The following SLC30A8 variants were observed in gnomAD, a reference collection of about 807,000 sequenced individuals.
SLC30A8 encodes the protein solute carrier family 30 member 8.
Under a neutral mutation model 36.9 loss-of-function variants are expected in SLC30A8, and 27 were observed. The ratio of observed to expected loss-of-function variants is 0.73; its 90% CI spans 0.54 to 1.01. The LOEUF (loss-of-function observed/expected upper bound fraction) is 1.01. Among genes scored for constraint, SLC30A8 ranks in the 50% least tolerant of loss-of-function variants. The pLI, the probability that SLC30A8 is intolerant of heterozygous loss-of-function variation, is 0.00. For missense variants in SLC30A8, 439 were observed against 452.0 expected (o/e 0.97, Z 0.26); for synonymous variants, 164 against 172.4 (o/e 0.95, Z 0.38).
intron 1 of SLC30A8, among the ~76,000 whole-genome samples, chr8:116,994,311 C>G (rs1815743723): frequency 6.6e-6 from 1 of 152,046 alleles, no homozygotes; most frequent in African/African-American, 2.4e-5. Flanking sequence ...CAGATCTAGA[C>G]TCAACAGAAG....
chr8:117,060,317 C>T (rs887706030), intron 2 of SLC30A8, among the ~76,000 whole-genome samples: 1 of 152,010 alleles, frequency 6.6e-6, no homozygotes, highest in African/African-American at 2.4e-5. Flanking sequence ...GTGGGAGCAT[C>T]TATATAGCCA....
chr8:117,156,847 ATATAT>A (rs777761553), intron 3 of SLC30A8, among the ~76,000 whole-genome samples: 12 of 152,350 alleles, frequency 7.9e-5, no homozygotes, highest in Non-Finnish European at 1.6e-4. Context: ...ATGGGTAATA[ATATAT>A]TACATTACTC....
intron 2 of SLC30A8, among the ~76,000 whole-genome samples, chr8:117,081,852 C>G (rs1818686903): frequency 6.6e-6 from 1 of 152,198 alleles, no homozygotes; most frequent in Admixed American, 6.5e-5. Context: ...ATCAAATAGG[C>G]AATAATTGCC....
At chr8:117,098,914 C>A (rs1819588837) in intron 2 of SLC30A8, among the ~76,000 whole-genome samples, 1 of 151,998 alleles carries the variant, frequency 6.6e-6, no homozygotes. Context: ...TTTTCTGTTA[C>A]AATGCTAGAA....
At chr8:117,102,696 A>G (rs1240595488) in intron 2 of SLC30A8, among the ~76,000 whole-genome samples, 1 of 151,892 alleles carries the variant, frequency 6.6e-6, no homozygotes, top group Non-Finnish European at 1.5e-5. Flanking sequence ...CATAATCCCA[A>G]TTTCTTCTTC....
At chr8:117,146,429 A>G (rs548844464) in intron 1 of SLC30A8, among the ~76,000 whole-genome samples, 2 of 152,306 alleles carry the variant, frequency 1.3e-5, no homozygotes, top group East Asian at 3.9e-4. Context: ...CATAACATTA[A>G]TAATTGGTAG....
intron 2 of SLC30A8, among the ~76,000 whole-genome samples, chr8:117,052,092 C>T (rs1586445812): frequency 6.6e-6 from 1 of 152,242 alleles, no homozygotes; most frequent in East Asian, 1.9e-4. Flanking sequence ...CTCTCTGCAA[C>T]CTCTGCCTCC....
chr8:117,078,915 TG>T (rs1818574705), intron 2 of SLC30A8, among the ~76,000 whole-genome samples: 1 of 152,150 alleles, frequency 6.6e-6, no homozygotes, highest in Admixed American at 6.5e-5. Flanking sequence ...CTTGAATTCC[TG>T]GGCTCAAGTG....
At chr8:117,107,912 G>T (rs1820064895) in intron 2 of SLC30A8, among the ~76,000 whole-genome samples, 3 of 152,064 alleles carry the variant, frequency 2.0e-5, no homozygotes, top group Non-Finnish European at 4.4e-5. Flanking sequence ...AATCCAAATG[G>T]CCTCTCTTTC....
At chr8:116,985,405 A>T (rs1048592094) in intron 1 of SLC30A8, among the ~76,000 whole-genome samples, 9 of 151,846 alleles carry the variant, frequency 5.9e-5, no homozygotes, top group Non-Finnish European at 7.4e-5. Flanking sequence ...TCTAAAGATC[A>T]TTTTCATTAT....
chr8:117,172,973 A>T lies in SLC30A8; in HGVS notation c.*292A>T. On this transcript the variant is annotated 3_prime_UTR_variant, in exon 8 of 8. Coordinates refer to ENST00000456015, the MANE Select transcript of SLC30A8 (RefSeq NM_173851.3). ...CTGTTTGTAACTATCGGCAATACCA[A>T]ATTCATCTCCCTTCCAATAATGCAT... The T allele has an allele frequency of 3.0e-6, 1 of 331,158 alleles. No individual in the cohort carries two copies. The highest frequency in any genetic ancestry group is 5.5e-6 in the Non-Finnish European group (1 of 181,620). 20.5% of individuals were successfully genotyped at this position (331,158 alleles called of 1,614,324 possible).
intron 1 of SLC30A8, among the ~76,000 whole-genome samples, chr8:116,977,580 C>G (rs1049785179): frequency 2.1e-5 from 3 of 146,096 alleles, no homozygotes; most frequent in African/African-American, 7.7e-5. Flanking sequence ...GGTGCGATCT[C>G]TGCTCACTGC....
intron 2 of SLC30A8, among the ~76,000 whole-genome samples, chr8:117,074,501 T>C (rs1404146164): frequency 6.6e-6 from 1 of 152,192 alleles, no homozygotes; most frequent in Non-Finnish European, 1.5e-5. Context: ...GCTATACAGA[T>C]GTATAGAATC....
At chr8:117,169,996 A>C (rs1004629688) in intron 6 of SLC30A8, among the ~76,000 whole-genome samples, 12 of 152,134 alleles carry the variant, frequency 7.9e-5, no homozygotes, top group South Asian at 2.1e-4. Context: ...TGGTATTTTT[A>C]AAAACATGTA....
At chr8:117,120,153 A>C (rs1183882033) in intron 2 of SLC30A8, among the ~76,000 whole-genome samples, 1 of 151,950 alleles carries the variant, frequency 6.6e-6, no homozygotes, top group African/African-American at 2.4e-5. Context: ...AATGACACAA[A>C]ATAACTAAAG....
Position 117,112,544 on chromosome 8 carries a change from C to T in SLC30A8, c.-225-22736C>T, listed in dbSNP as rs545004238. ...GCCCCGGCTCTAATTTCAGCTCTGC[C>T]GGAGAGAGACTGGGACAACTCAGCC... is the stretch of plus-strand genomic sequence containing the variant. On this transcript the variant is annotated intron_variant, in intron 2 of 10. Transcript: ENST00000427715. 5.3e-5 allele frequency among the ~76,000 whole-genome samples: 8 copies of T among 152,090 alleles called. No homozygotes were observed. The South Asian group carries it at 8.3e-4, about 16-fold the overall frequency.
intron 1 of SLC30A8, among the ~76,000 whole-genome samples, chr8:117,036,954 C>T (rs1475739180): frequency 2.0e-5 from 3 of 152,146 alleles, no homozygotes; most frequent in Non-Finnish European, 4.4e-5. Flanking sequence ...CCATGTCTGT[C>T]TTAGCCCTGC....
rs542701759 is a variant in SLC30A8 at position 117,016,718 on chromosome 8, C to T, written c.-265-22501C>T. 3.9e-5 allele frequency among the ~76,000 whole-genome samples: 6 copies of T among 152,212 alleles called. No homozygotes were observed. The South Asian group carries it at 1.2e-3, about 32-fold the overall frequency. ...ATACAAGGAGAGAGATTAAAATGTA[C>T]AAATATGCTTAGAGCTTAAGAGAAA... On this transcript the variant is annotated intron_variant, in intron 1 of 10. Coordinates refer to the SLC30A8 transcript ENST00000427715.
chr8:117,078,166 G>A (rs1421738849), intron 2 of SLC30A8, among the ~76,000 whole-genome samples: 1 of 152,136 alleles, frequency 6.6e-6, no homozygotes, highest in African/African-American at 2.4e-5. Context: ...AAAATTCTAA[G>A]TGATAAGGCA....
Sources: allele counts gnomAD v4.1 joint callset (sites outside exome capture counted in the v4.1 genomes callset), GRCh38; gene constraint gnomAD v4.1.1; transcripts MANE v1.5; gene names NCBI Gene and HGNC (gene_info 2026-07-23, HGNC 2026-07-21).